Variants in LIN28B observed in about 807,000 individuals in gnomAD.
The protein encoded by LIN28B is protein lin-28 homolog B.
Under a neutral mutation model 21.9 loss-of-function variants are expected in LIN28B, and 5 were observed. The observed-to-expected ratio is 0.23, with a 90% confidence interval of 0.12 to 0.48. The LOEUF is 0.48. Among genes scored for constraint, LIN28B ranks in the 20% least tolerant of loss-of-function variants. LIN28B has a pLI of 0.98. For synonymous variants in LIN28B, 109 were observed against 111.3 expected (o/e 0.98, Z 0.13); for missense variants, 245 against 310.5 (o/e 0.79, Z 1.58).
At chr6:105,017,837 C>T (rs997742139) in intron 2 of LIN28B, among the ~76,000 whole-genome samples, 4 of 152,066 alleles carry the variant, frequency 2.6e-5, no homozygotes, top group African/African-American at 7.2e-5. Context: ...TAAACCTCAG[C>T]GTCATGCAGT....
At chr6:104,997,293 AAAG>A (rs1288114160) in intron 2 of LIN28B, among the ~76,000 whole-genome samples, 2 of 147,256 alleles carry the variant, frequency 1.4e-5, no homozygotes, top group Non-Finnish European at 3.1e-5. Context: ...AAAAAAAAAA[AAAG>A]AAAAGAAAAA....
intron 3 of LIN28B, chr6:105,057,945 T>C (rs1772051734): frequency 4.1e-6 from 1 of 245,382 alleles, no homozygotes. Flanking sequence ...AGCAATTCAA[T>C]ATCTGAACGT....
rs146674332 is a variant in LIN28B, at chr6:104,982,313, CA to C, written c.198+24041del. Among the ~76,000 whole-genome samples, 453 of 125,574 alleles carry C rather than the reference CA, an allele frequency of 3.6e-3. 2 individuals carry two copies. Among genetic ancestry groups the C allele is most frequent in the South Asian group, 0.013 (53 of 3,938 alleles). 82.4% of individuals were successfully genotyped at this position (125,574 alleles called of 152,430 possible). A position where few individuals can be genotyped will look rare whatever the true frequency, so the allele number is the denominator to read the frequency against. ...TGGGCGATACAGCAAGACTTCATCT[CA>C]AAAAAAAAAAAAAGAGGAATTAATT... On this transcript the variant is annotated intron_variant, in intron 2 of 3. Transcript: ENST00000345080.
chr6:104,949,814 A>AT (rs1192820549), intron 2 of LIN28B, among the ~76,000 whole-genome samples: 44 of 152,308 alleles, frequency 2.9e-4, no homozygotes, highest in Non-Finnish European at 1.0e-4. Context: ...CAATGGATGT[A>AT]TTAGAAACAT....
At chr6:105,017,535 C>A (rs995618135) in intron 2 of LIN28B, among the ~76,000 whole-genome samples, 1 of 152,016 alleles carries the variant, frequency 6.6e-6, no homozygotes, top group Non-Finnish European at 1.5e-5. Flanking sequence ...TTTTGTATTC[C>A]TGAAATATAT....
intron 2 of LIN28B, among the ~76,000 whole-genome samples, chr6:104,997,973 T>C (rs2114284340): frequency 6.6e-6 from 1 of 152,284 alleles, no homozygotes; most frequent in Middle Eastern, 3.4e-3. Flanking sequence ...GAAAAAAAGG[T>C]TTCATTATTG....
At chr6:105,014,612 G>A (rs1582896332) in intron 2 of LIN28B, among the ~76,000 whole-genome samples, 1 of 152,152 alleles carries the variant, frequency 6.6e-6, no homozygotes, top group Non-Finnish European at 1.5e-5. Context: ...GTGAGCCACT[G>A]CACCTGGCCT....
chr6:104,975,416 C>G (rs556986810), intron 2 of LIN28B, among the ~76,000 whole-genome samples: 1 of 151,942 alleles, frequency 6.6e-6, no homozygotes, highest in African/African-American at 2.4e-5. Flanking sequence ...ACACTAAATC[C>G]CCACTACTAC....
At chr6:104,980,286 T>C (rs1770192484) in intron 2 of LIN28B, among the ~76,000 whole-genome samples, 1 of 152,224 alleles carries the variant, frequency 6.6e-6, no homozygotes, top group African/African-American at 2.4e-5. Context: ...TACCTTTTAG[T>C]GTCATTTGCA....
At chr6:104,987,473 A>G (rs914760031) in intron 2 of LIN28B, among the ~76,000 whole-genome samples, 8 of 152,110 alleles carry the variant, frequency 5.3e-5, no homozygotes, top group African/African-American at 1.4e-4. Context: ...CCTCCTTAGT[A>G]GCTGGGACTA....
At chr6:105,016,319 T>G (rs981885755) in intron 2 of LIN28B, among the ~76,000 whole-genome samples, 4 of 152,198 alleles carry the variant, frequency 2.6e-5, no homozygotes, top group Admixed American at 2.6e-4. Context: ...AGTTTTATAG[T>G]AAATTTTTAA....
chr6:104,993,775 C>T (rs9500008), intron 2 of LIN28B, among the ~76,000 whole-genome samples: 3,332 of 144,224 alleles, frequency 0.023, 146 homozygotes, highest in African/African-American at 0.082. Flanking sequence ...ACGGAGGTTG[C>T]GGTGAGCCGA....
intron 3 of LIN28B, among the ~76,000 whole-genome samples, chr6:105,033,176 C>T (rs371296185): frequency 9.2e-5 from 14 of 152,074 alleles, no homozygotes; most frequent in South Asian, 2.1e-4. Flanking sequence ...GTTCAAACAT[C>T]GTTTATTGAA....
chr6:105,015,000 C>T (rs1388665720), intron 2 of LIN28B, among the ~76,000 whole-genome samples: 1 of 151,550 alleles, frequency 6.6e-6, no homozygotes, highest in Non-Finnish European at 1.5e-5. Context: ...TTTTACTTCT[C>T]TTTTGATCAG....
intron 2 of LIN28B, among the ~76,000 whole-genome samples, chr6:104,969,640 G>A (rs918149550): frequency 3.6e-4 from 54 of 152,068 alleles, no homozygotes; most frequent in Admixed American, 5.2e-4. Context: ...TATTTTATAT[G>A]GTATGGTATC....
intron 2 of LIN28B, among the ~76,000 whole-genome samples, chr6:104,946,878 G>A (rs1778162391): frequency 6.6e-6 from 1 of 152,012 alleles, no homozygotes. Context: ...ATTATCTGAA[G>A]TATTTTTTAA....
At chr6:105,027,860 T>A (rs1335898178) in intron 3 of LIN28B, among the ~76,000 whole-genome samples, 1 of 152,188 alleles carries the variant, frequency 6.6e-6, no homozygotes, top group African/African-American at 2.4e-5. Context: ...TAACCAGTTA[T>A]CTCTGTAGCA....
chr6:105,018,656 T>A (rs1347280175), intron 2 of LIN28B, among the ~76,000 whole-genome samples: 3 of 152,204 alleles, frequency 2.0e-5, no homozygotes, highest in African/African-American at 7.2e-5. Flanking sequence ...TTTGTCTTTT[T>A]GAATTCATCC....
At chr6:104,998,245 C>T (rs989047282) in intron 2 of LIN28B, among the ~76,000 whole-genome samples, 1 of 152,056 alleles carries the variant, frequency 6.6e-6, no homozygotes, top group Non-Finnish European at 1.5e-5. Context: ...TAAAATTTAA[C>T]CTATTATGTA....
Sources: allele counts gnomAD v4.1 joint callset (sites outside exome capture counted in the v4.1 genomes callset), GRCh38; gene constraint gnomAD v4.1.1; transcripts MANE v1.5; gene names NCBI Gene and HGNC (gene_info 2026-07-23, HGNC 2026-07-21).